The following TRARG1 variants were observed in gnomAD, a reference collection of about 807,000 sequenced individuals.
TRARG1 encodes the protein trafficking regulator of GLUT4 (SLC2A4) 1 (gene/pseudogene).
TRARG1 carries 16 observed loss-of-function variants against 13.3 expected under a neutral mutation model. That is an observed-to-expected ratio of 1.20 (90% CI 0.81 to 1.83). The LOEUF (loss-of-function observed/expected upper bound fraction) is 1.83, where lower values mean the gene tolerates loss of function less well. Among genes scored for constraint, TRARG1 ranks in the 40% most tolerant of loss-of-function variants. The pLI is 0.00. For synonymous variants in TRARG1, 113 were observed against 106.2 expected (o/e 1.06, Z -0.39); for missense variants, 250 against 237.4 (o/e 1.05, Z -0.35).
intron 1 of TRARG1, among the ~76,000 whole-genome samples, chr17:1,282,062 G>GTATACATA (rs1555630769): frequency 5.5e-5 from 8 of 145,464 alleles, no homozygotes; most frequent in Non-Finnish European, 1.0e-4. Flanking sequence ...ATATGTACAT[G>GTATACATA]TATACACATA....
chr17:1,287,963 A>C (rs72816267), intron 1 of TRARG1, among the ~76,000 whole-genome samples: 3,891 of 151,760 alleles, frequency 0.026, 67 homozygotes, highest in Middle Eastern at 0.051. Context: ...CTCTCATCCA[A>C]TTTCTAAGAA....
At chr17:1,282,213 C>T (rs950016501) in intron 1 of TRARG1, among the ~76,000 whole-genome samples, 32 of 94,274 alleles carry the variant, frequency 3.4e-4, no homozygotes, top group African/African-American at 1.5e-3. Context: ...CGTATATGTA[C>T]GTATACACGT....
chr17:1,286,446 T>TG lies in TRARG1; in HGVS notation c.387+6059dup, dbSNP rs2072022758. Among the ~76,000 whole-genome samples, 6 of 92,336 alleles carry TG rather than the reference T, an allele frequency of 6.5e-5. No homozygotes were observed. The South Asian group carries it at 1.2e-3, about 19-fold the overall frequency. The allele number at this position is 92,336 out of a possible 152,430, so 60.6% of individuals were successfully genotyped here. A position where few individuals can be genotyped will look rare whatever the true frequency, so the allele number is the denominator to read the frequency against. On this transcript the variant is annotated intron_variant, in intron 1 of 2. Coordinates refer to ENST00000333813, the MANE Select transcript of TRARG1 (RefSeq NM_172367.3). ...CCTGTGGGGTGTTGTTGTCGGCCTG[T>TG]GAGTTGTTATCGGCCTGTGGGGTGA...
intron 2 of TRARG1, among the ~76,000 whole-genome samples, chr17:1,296,256 G>T (rs968204505): frequency 6.6e-6 from 1 of 152,006 alleles, no homozygotes; most frequent in Non-Finnish European, 1.5e-5. Flanking sequence ...GAGTGCAGTG[G>T]TGCGATCTCG....
At position 1,292,940 on chromosome 17, in the gene TRARG1, C is replaced by T. The variant is rs1017608066; in HGVS notation, c.388-2551C>T. Among the ~76,000 whole-genome samples, 7 of 152,018 alleles carry T rather than the reference C, an allele frequency of 4.6e-5. No homozygotes were observed. In the East Asian group the frequency reaches 7.7e-4, roughly 17 times the overall value. On this transcript the variant is annotated intron_variant, in intron 1 of 2. Coordinates refer to ENST00000333813, the MANE Select transcript of TRARG1 (RefSeq NM_172367.3). ...TGTTACAAATACAGACAGTGTGAAT[C>T]GGGGGCGTGGGGAGAGGGTGAAGAA...
intron 1 of TRARG1, among the ~76,000 whole-genome samples, chr17:1,282,342 A>G (rs113343451): frequency 7.6e-5 from 11 of 145,596 alleles, no homozygotes; most frequent in South Asian, 6.2e-4. Context: ...ACGTATATGT[A>G]CATATGCGTA....
intron 1 of TRARG1, among the ~76,000 whole-genome samples, chr17:1,282,196 A>G (rs1179217164): frequency 6.8e-6 from 1 of 146,524 alleles, no homozygotes; most frequent in Non-Finnish European, 1.5e-5. Flanking sequence ...ATGTACGTGT[A>G]CACGTGCGTA....
chr17:1,293,962 C>T (rs1054523358), intron 1 of TRARG1, among the ~76,000 whole-genome samples: 3 of 152,114 alleles, frequency 2.0e-5, no homozygotes, highest in Non-Finnish European at 4.4e-5. Context: ...TAGGTACAGT[C>T]CTTAGCAAGC....
At position 1,286,450 on chromosome 17, in the gene TRARG1, T is replaced by TGA. The variant is rs2072022894; in HGVS notation, c.387+6062_387+6063insGA. ...TGGGGTGTTGTTGTCGGCCTGTGAG[T>TGA]TGTTATCGGCCTGTGGGGTGATGTT... On this transcript the variant is annotated intron_variant, in intron 1 of 2. Transcript: ENST00000333813. Among the ~76,000 whole-genome samples, 6 of 101,384 alleles carry TGA rather than the reference T, an allele frequency of 5.9e-5. No individual in the cohort carries two copies. The South Asian group carries it at 1.5e-3, about 25-fold the overall frequency. 66.5% of individuals were successfully genotyped at this position (101,384 alleles called of 152,430 possible). A position where few individuals can be genotyped will look rare whatever the true frequency, so the allele number is the denominator to read the frequency against.
intron 1 of TRARG1, 89 bp from the exon 2 acceptor site, chr17:1,295,402 C>T: frequency 6.8e-7 from 1 of 1,481,460 alleles, no homozygotes; most frequent in African/African-American, 1.4e-5. Context: ...GGCCCAGGCT[C>T]AGGGCCACCC....
intron 1 of TRARG1, among the ~76,000 whole-genome samples, chr17:1,287,873 G>T (rs1226329230): frequency 6.6e-6 from 1 of 151,220 alleles, no homozygotes; most frequent in African/African-American, 2.4e-5. Flanking sequence ...GGCTGGTCTT[G>T]AACTCTTGCC....
chr17:1,286,444 T>TGTGGG (rs1319098087), intron 1 of TRARG1, among the ~76,000 whole-genome samples: 23 of 95,126 alleles, frequency 2.4e-4, no homozygotes, highest in African/African-American at 7.3e-4. Flanking sequence ...GTTGTCGGCC[T>TGTGGG]GTGAGTTGTT....
Position 1,295,744 on chromosome 17 carries a change from G to A in TRARG1, c.520+121G>A, listed in dbSNP as rs1567933278. 7 of 1,242,140 alleles carry A rather than the reference G, an allele frequency of 5.6e-6. No homozygotes were observed. In the East Asian group the frequency reaches 1.0e-4, roughly 18 times the overall value. 76.9% of individuals were successfully genotyped at this position (1,242,140 alleles called of 1,614,324 possible). On this transcript the variant is annotated intron_variant, in intron 2 of 2. Transcript: ENST00000333813. ...GGGGGAAGGAGAAGGGCTGGTGGGG[G>A]CCCCGGCCTTATCCTCCCAGTCCAT... is the stretch of plus-strand genomic sequence containing the variant.
In TRARG1 at chr17:1,299,237, G is replaced by A. The variant is rs1387196517; in HGVS notation, c.*973G>A. The A allele has an allele frequency of 6.6e-6, 1 of 152,378 alleles. No homozygotes were observed. The highest frequency in any genetic ancestry group is 2.4e-5 in the African/African-American group (1 of 41,452). 9.4% of individuals were successfully genotyped at this position (152,378 alleles called of 1,614,324 possible). A position where few individuals can be genotyped will look rare whatever the true frequency, so the allele number is the denominator to read the frequency against. ...GCCCTATGCTCTGTGCTTGGCCCTG[G>A]GCCCCTGGCCATCCACAAACAGCAG... is the stretch of plus-strand genomic sequence containing the variant. On this transcript the variant is annotated 3_prime_UTR_variant, in exon 3 of 3. Transcript: ENST00000333813.
At chr17:1,297,016 G>C (rs1031009034) in intron 2 of TRARG1, among the ~76,000 whole-genome samples, 2 of 152,136 alleles carry the variant, frequency 1.3e-5, no homozygotes, top group African/African-American at 4.8e-5. Context: ...GTGACTTTGG[G>C]GGGTCATCCG....
chr17:1,288,194 C>T (rs985106295), intron 1 of TRARG1, among the ~76,000 whole-genome samples: 2 of 151,928 alleles, frequency 1.3e-5, no homozygotes, highest in Non-Finnish European at 2.9e-5. Context: ...TGCTGAGCTC[C>T]TAAGAGCTGC....
chr17:1,279,988 A>C lies in TRARG1; in HGVS notation c.-14A>C. ...CCCAGCCTGGAGCTGCAGCCGCGCA[A>C]GGCCCAGGCCCCCATGGCCCACCCG... On this transcript the variant is annotated 5_prime_UTR_variant, in exon 1 of 3. Coordinates refer to ENST00000333813, the MANE Select transcript of TRARG1 (RefSeq NM_172367.3). 1.3e-6 allele frequency: 2 copies of C among 1,599,014 alleles called. No individual in the cohort carries two copies. The highest frequency in any genetic ancestry group is 1.7e-6 in the Non-Finnish European group (2 of 1,171,718).
intron 1 of TRARG1, among the ~76,000 whole-genome samples, chr17:1,285,314 G>A (rs1041402383): frequency 1.3e-5 from 2 of 152,178 alleles, no homozygotes; most frequent in African/African-American, 4.8e-5. Context: ...AGGAGGCTGA[G>A]GCAGGAGGAT....
chr17:1,292,189 C>T (rs933471081), intron 1 of TRARG1, among the ~76,000 whole-genome samples: 1 of 132,296 alleles, frequency 7.6e-6, no homozygotes, highest in African/African-American at 3.0e-5. Flanking sequence ...CAAAACAAAA[C>T]AAAACAAACA....
Sources: gnomAD v4.1 joint callset for allele counts (sites outside exome capture counted in the v4.1 genomes callset) on GRCh38, gnomAD v4.1.1 for gene constraint, MANE v1.5 for transcripts, NCBI Gene and HGNC (gene_info 2026-07-23, HGNC 2026-07-21) for gene names.